Variants in GRIK2 observed in about 807,000 individuals in gnomAD.
GRIK2 encodes glutamate ionotropic receptor kainate type subunit 2.
GRIK2 carries 32 observed loss-of-function variants against 100.3 expected under a neutral mutation model. The observed-to-expected ratio is 0.32, with a 90% CI of 0.24 to 0.43. The LOEUF is 0.43. Among genes scored for constraint, GRIK2 ranks in the 20% least tolerant of loss-of-function variants. The pLI is 1.00. For synonymous variants in GRIK2, 417 were observed against 389.4 expected (o/e 1.07, Z -0.83); for missense variants, 843 against 1,114.9 (o/e 0.76, Z 3.47).
chr6:101,809,317 A>G (rs1211005329), intron 9 of GRIK2, among the ~76,000 whole-genome samples: 2 of 151,922 alleles, frequency 1.3e-5, no homozygotes, highest in South Asian at 2.1e-4. Flanking sequence ...GTGCTTTTTG[A>G]ATATTTTTTG....
At chr6:101,915,872 C>T (rs1789071694) in intron 12 of GRIK2, among the ~76,000 whole-genome samples, 1 of 151,222 alleles carries the variant, frequency 6.6e-6, no homozygotes, top group Non-Finnish European at 1.5e-5. Context: ...TATTTTTTCC[C>T]CCTCTCTTCA....
intron 15 of GRIK2, among the ~76,000 whole-genome samples, chr6:102,051,397 T>C (rs1428495325): frequency 6.6e-6 from 1 of 151,946 alleles, no homozygotes; most frequent in Non-Finnish European, 1.5e-5. Context: ...AAACATGAGT[T>C]CCTTACTGTG....
intron 14 of GRIK2, among the ~76,000 whole-genome samples, chr6:102,027,616 T>C (rs1011216436): frequency 6.6e-6 from 1 of 151,138 alleles, no homozygotes; most frequent in Non-Finnish European, 1.5e-5. Context: ...TTAAATTTCA[T>C]TCATGGAGAA....
At position 101,414,042 on chromosome 6, in the gene GRIK2, G is replaced by T. The variant is rs117488925; in HGVS notation, c.115+14650G>T. On this transcript the variant is annotated intron_variant, in intron 2 of 16. Transcript: ENST00000369134. ...CAATAATTTGAAAATAAAAAGAACT[G>T]GTCTCTGCATCAAGAAGGATATCAT... Among the ~76,000 whole-genome samples the T allele has an allele frequency of 1.8e-3, 239 of 133,390 alleles. 3 individuals carry two copies. The East Asian group carries it at 0.044, about 25-fold the overall frequency. 87.5% of individuals were successfully genotyped at this position (133,390 alleles called of 152,430 possible). A position where few individuals can be genotyped will look rare whatever the true frequency, so the allele number is the denominator to read the frequency against.
intron 2 of GRIK2, among the ~76,000 whole-genome samples, chr6:101,522,370 G>T (rs1774923092): frequency 6.6e-6 from 1 of 152,068 alleles, no homozygotes; most frequent in Admixed American, 6.6e-5. Context: ...AAAACAAAAA[G>T]ACTAAATCTT....
intron 4 of GRIK2, among the ~76,000 whole-genome samples, chr6:101,656,302 CA>C (rs111721256): frequency 3.5e-3 from 293 of 83,918 alleles, no homozygotes; most frequent in Middle Eastern, 0.021. Context: ...AGACTCCATC[CA>C]AAAAAAAAAA....
chr6:101,682,788 AAAT>A (rs1257192882), intron 6 of GRIK2, among the ~76,000 whole-genome samples, 182 bp downstream of exon 6: 1 of 151,990 alleles, frequency 6.6e-6, no homozygotes, highest in Non-Finnish European at 1.5e-5. Context: ...GATGATTTTG[AAAT>A]AATATCATTT....
chr6:101,487,570 A>G (rs879377842), intron 2 of GRIK2, among the ~76,000 whole-genome samples: 4 of 147,196 alleles, frequency 2.7e-5, no homozygotes, highest in African/African-American at 5.2e-5. Flanking sequence ...ACCAATATGT[A>G]TAAAACAAAC....
chr6:101,544,617 T>C (rs901318415), intron 2 of GRIK2, among the ~76,000 whole-genome samples: 2 of 152,198 alleles, frequency 1.3e-5, no homozygotes, highest in African/African-American at 4.8e-5. Flanking sequence ...TATACCTTCT[T>C]CTTTATGCTA....
chr6:101,977,248 A>ATGTTATGTT (rs1793444798), intron 14 of GRIK2, among the ~76,000 whole-genome samples: 1 of 151,174 alleles, frequency 6.6e-6, no homozygotes, highest in Non-Finnish European at 1.5e-5. Flanking sequence ...ATGTTATGTT[A>ATGTTATGTT]TGTTATGTTA....
At chr6:101,946,341 G>A (rs1173732029) in intron 14 of GRIK2, among the ~76,000 whole-genome samples, 1 of 151,814 alleles carries the variant, frequency 6.6e-6, no homozygotes, top group African/African-American at 2.4e-5. Context: ...GATTTTCTAA[G>A]CCTGGGCAAC....
At chr6:101,689,682 A>C (rs2128345911) in intron 7 of GRIK2, among the ~76,000 whole-genome samples, 1 of 152,204 alleles carries the variant, frequency 6.6e-6, no homozygotes, top group Non-Finnish European at 1.5e-5. Flanking sequence ...GATCTAGTTA[A>C]GGAGGAAGAA....
At chr6:102,065,012 A>C (rs879234248) in intron 16 of GRIK2, among the ~76,000 whole-genome samples, 4 of 151,250 alleles carry the variant, frequency 2.6e-5, no homozygotes, top group Admixed American at 2.0e-4. Context: ...TTTTCATGTA[A>C]ACTTACATTG....
At chr6:101,753,114 C>T (rs989070922) in intron 7 of GRIK2, among the ~76,000 whole-genome samples, 4 of 151,808 alleles carry the variant, frequency 2.6e-5, no homozygotes, top group African/African-American at 4.8e-5. Context: ...AACCCAGTCT[C>T]TACTAAAAAT....
chr6:101,808,950 A>T (rs1193780351), intron 9 of GRIK2, among the ~76,000 whole-genome samples: 1 of 151,604 alleles, frequency 6.6e-6, no homozygotes. Flanking sequence ...ATTTTATGAA[A>T]TATATGTTTG....
At chr6:102,029,531 A>G (rs1390769039) in intron 14 of GRIK2, among the ~76,000 whole-genome samples, 1 of 151,144 alleles carries the variant, frequency 6.6e-6, no homozygotes, top group Non-Finnish European at 1.5e-5. Context: ...TTACGTTTCA[A>G]GTTCCTATAA....
rs141173024 is a variant in GRIK2, at chr6:101,615,998, T to C, written c.116-5951T>C. On this transcript the variant is annotated intron_variant, in intron 2 of 16. Coordinates refer to ENST00000369134, the MANE Select transcript of GRIK2 (RefSeq NM_021956.5). ...CTTCACATCTGCAGATTACAGATAA[T>C]TGCTTCTTGCTGGAGTGAATAAGGT... Among the ~76,000 whole-genome samples, 933 of 151,882 alleles carry C rather than the reference T, an allele frequency of 6.1e-3. 6 individuals are homozygous for C. The highest frequency in any genetic ancestry group is 0.024 in the Middle Eastern group (7 of 294).
At chr6:101,620,292 A>C in intron 2 of GRIK2, 1 of 435,914 alleles carries the variant, frequency 2.3e-6, no homozygotes, top group Non-Finnish European at 3.1e-6. Flanking sequence ...TTAGACACAT[A>C]TAATTATTAT....
chr6:101,639,875 A>C (rs1013249619), intron 4 of GRIK2, among the ~76,000 whole-genome samples: 1 of 152,188 alleles, frequency 6.6e-6, no homozygotes, highest in Non-Finnish European at 1.5e-5. Flanking sequence ...TCAAAAAGGA[A>C]CCAAACAAAT....
Sources: gnomAD v4.1 joint callset for allele counts (sites outside exome capture counted in the v4.1 genomes callset) on GRCh38, gnomAD v4.1.1 for gene constraint, MANE v1.5 for transcripts, NCBI Gene and HGNC (gene_info 2026-07-23, HGNC 2026-07-21) for gene names.